The following DMRTB1 variants were observed in gnomAD, a reference collection of about 807,000 sequenced individuals.
The protein encoded by DMRTB1 is DMRT like family B with proline rich C-terminal 1.
Under a neutral mutation model 25.2 loss-of-function variants are expected in DMRTB1, and 9 were observed. The observed-to-expected ratio is 0.36, with a 90% CI of 0.22 to 0.62. The LOEUF (loss-of-function observed/expected upper bound fraction) is 0.62, where lower values mean the gene tolerates loss of function less well. Ranked by LOEUF, DMRTB1 falls within the 20% of genes least tolerant of loss-of-function variation. The probability of loss-of-function intolerance (pLI) is 0.71; values close to 1 mark genes in which losing one functional copy is unlikely to be tolerated. For synonymous variants in DMRTB1, 269 were observed against 238.1 expected, an observed-to-expected ratio of 1.13 and a Z score of -1.20; for missense variants, 551 against 499.3, an observed-to-expected ratio of 1.10 and a Z score of -0.99.
chr1:53,467,075 G>T lies in DMRTB1; in HGVS notation c.*413G>T, dbSNP rs1644054767. On this transcript the variant is annotated 3_prime_UTR_variant, in exon 4 of 4. Coordinates refer to ENST00000371445, the MANE Select transcript of DMRTB1 (RefSeq NM_033067.3). ...CTTTGCCTGGTCCTCCAGGTTGCTG[G>T]GGGCACCACAGACATCAAGATTCCA... 1 of 169,192 alleles carries T rather than the reference G, an allele frequency of 5.9e-6. No homozygotes were observed. Among genetic ancestry groups the T allele is most frequent in the Non-Finnish European group, 1.3e-5 (1 of 78,280 alleles). 10.5% of individuals were successfully genotyped at this position (169,192 alleles called of 1,614,324 possible).
In DMRTB1 at chr1:53,464,705, C is replaced by A. The variant is rs770976644; in HGVS notation, c.819C>A (p.Pro273=). The change falls in exon 3 of 4, where the codon CCC becomes CCA. Residue 273 remains proline (P), a synonymous_variant. Transcript: ENST00000371445. Reference sequence around the variant, plus strand: ...CGCCGCCGCCGCCGCCACTGCCGCCCCTTCCACCGCTTCCACCGCAGCCCC... The same window carrying A: ...CGCCGCCGCCGCCGCCACTGCCGCCACTTCCACCGCTTCCACCGCAGCCCC... ...YLPPPPPPLP[P]LPPLPPQPQF... is the part of the protein sequence containing the mutation. 1 of 1,613,626 alleles carries A rather than the reference C, an allele frequency of 6.2e-7. No homozygotes were observed. The highest frequency in any genetic ancestry group is 1.1e-5 in the South Asian group (1 of 91,060).
At chr1:53,460,952 G>C (rs955193123) in intron 1 of DMRTB1, among the ~76,000 whole-genome samples, 1 of 152,226 alleles carries the variant, frequency 6.6e-6, no homozygotes, top group Non-Finnish European at 1.5e-5. Context: ...TCACAGGCCT[G>C]AAACTGCAGA....
rs770976644 is a variant in DMRTB1 at position 53,464,705 on chromosome 1, C to G, written c.819C>G (p.Pro273=). The part of the protein sequence containing the change: ...YLPPPPPPLP[P]LPPLPPQPQF... ...CGCCGCCGCCGCCGCCACTGCCGCCCCTTCCACCGCTTCCACCGCAGCCCC... is the reference window on the plus strand; with the variant it reads ...CGCCGCCGCCGCCGCCACTGCCGCCGCTTCCACCGCTTCCACCGCAGCCCC... The change falls in exon 3 of 4, where the codon CCC becomes CCG. Residue 273 remains proline (P), a synonymous_variant. Transcript: ENST00000371445. 6.2e-7 allele frequency: 1 copy of G among 1,613,626 alleles called. No individual in the cohort carries two copies. The highest frequency in any genetic ancestry group is 1.7e-5 in the Admixed American group (1 of 59,994).
rs201518564 is a variant in DMRTB1 at position 53,459,662 on chromosome 1, G to A, written c.209G>A (p.Cys70Tyr). Residue 70 changes from cysteine to tyrosine, a missense_variant, in exon 1 of 4, where the codon TGT (cysteine) becomes TAT (tyrosine). Transcript: ENST00000371445. ...AAEEEQEAALCAQGPKQASGA... is the reference protein window; with the variant it reads ...AAEEEQEAALYAQGPKQASGA... ...GAGGAGGAGCAGGAGGCGGCCCTGT[G>A]TGCGCAGGGGCCCAAGCAGGCCTCC... 226 of 1,548,578 alleles carry A rather than the reference G, an allele frequency of 1.5e-4. 2 individuals are homozygous for A. The African/African-American group carries it at 2.5e-3, about 17-fold the overall frequency.
rs557296258 is a variant in DMRTB1, at chr1:53,461,399, C to A, written c.578-74C>A. ...GCTTGGACGGCAGCGCTGATGACCC[C>A]GCCGCCCTGGGCCGCCCTGCGGATG... On this transcript the variant is annotated intron_variant, in intron 1 of 3. Coordinates refer to ENST00000371445, the MANE Select transcript of DMRTB1 (RefSeq NM_033067.3). The A allele has an allele frequency of 3.4e-6, 5 of 1,459,652 alleles. No individual in the cohort carries two copies. The African/African-American group carries it at 5.7e-5, about 17-fold the overall frequency. The allele number at this position is 1,459,652 out of a possible 1,614,324, so 90.4% of individuals were successfully genotyped here.
chr1:53,460,012 C>G lies in DMRTB1; in HGVS notation c.559C>G (p.Pro187Ala). Reference sequence around the variant, plus strand: ...CAGGCCGATGCGGACCGTGCCCGGCCCACTGTTCACCGACTTTGGTAAGTC... The same window carrying G: ...CAGGCCGATGCGGACCGTGCCCGGCGCACTGTTCACCGACTTTGGTAAGTC... ...LRRPMRTVPG[P>A]LFTDFVRPLN... Residue 187 changes from proline to alanine, a missense_variant, in exon 1 of 4, where the codon CCA becomes GCA. Pro to Ala is a conservative substitution (Grantham distance 27, BLOSUM62 -1). Coordinates refer to ENST00000371445, the MANE Select transcript of DMRTB1 (RefSeq NM_033067.3). The G allele has an allele frequency of 6.3e-7, 1 of 1,581,262 alleles. No individual in the cohort carries two copies. The highest frequency in any genetic ancestry group is 8.5e-7 in the Non-Finnish European group (1 of 1,172,628).
chr1:53,464,130 CA>C lies in DMRTB1; in HGVS notation c.751-506del, dbSNP rs143274981. ...AGTTTAAGTCACCACATGTGCCAGACAGGGGGTCCTGTGGGGTTGGGATGCG... is the reference window on the plus strand; with the variant it reads ...AGTTTAAGTCACCACATGTGCCAGACGGGGGTCCTGTGGGGTTGGGATGCG... On this transcript the variant is annotated intron_variant, in intron 2 of 3. Coordinates refer to ENST00000371445, the MANE Select transcript of DMRTB1 (RefSeq NM_033067.3). 5.7e-3 allele frequency among the ~76,000 whole-genome samples: 863 copies of C among 152,326 alleles called. 6 individuals are homozygous for C. Among genetic ancestry groups the C allele is most frequent in the African/African-American group, 0.02 (827 of 41,576 alleles).
intron 1 of DMRTB1, 98 bp downstream of exon 1, chr1:53,460,128 T>G (rs1569646194): frequency 7.2e-7 from 1 of 1,394,468 alleles, no homozygotes; most frequent in Non-Finnish European, 9.3e-7. Context: ...TGGAGAGAAG[T>G]TTTTCCACGG....
intron 3 of DMRTB1, among the ~76,000 whole-genome samples, chr1:53,465,876 A>G (rs1054261640): frequency 1.3e-5 from 2 of 152,210 alleles, no homozygotes; most frequent in African/African-American, 4.8e-5. Flanking sequence ...AATGGTCCCT[A>G]CCTCATGAGG....
At chr1:53,461,052 G>A (rs542609748) in intron 1 of DMRTB1, among the ~76,000 whole-genome samples, 1 of 152,284 alleles carries the variant, frequency 6.6e-6, no homozygotes, top group Admixed American at 6.5e-5. Flanking sequence ...TGGAGGACGC[G>A]GGTCACATTT....
intron 1 of DMRTB1, among the ~76,000 whole-genome samples, chr1:53,461,113 G>A (rs191272605): frequency 4.6e-5 from 7 of 152,352 alleles, no homozygotes; most frequent in Non-Finnish European, 1.0e-4. Context: ...TGATCAAAGA[G>A]TCACACAAAT....
rs1442303170 is a variant in DMRTB1 at position 53,467,485 on chromosome 1, G to C, written c.*823G>C. The C allele has an allele frequency of 6.6e-6, 1 of 152,268 alleles. No individual in the cohort carries two copies. Among genetic ancestry groups the C allele is most frequent in the Non-Finnish European group, 1.5e-5 (1 of 68,050 alleles). 9.4% of individuals were successfully genotyped at this position (152,268 alleles called of 1,614,324 possible). A position where few individuals can be genotyped will look rare whatever the true frequency, so the allele number is the denominator to read the frequency against. ...GGCTATTGAAATAAAATGAGCAATG[G>C]AAATCCTTGTGGAAGGCTTATTCTC... On this transcript the variant is annotated 3_prime_UTR_variant, in exon 4 of 4. Coordinates refer to ENST00000371445, the MANE Select transcript of DMRTB1 (RefSeq NM_033067.3).
chr1:53,462,460 G>A (rs550675254), intron 2 of DMRTB1, among the ~76,000 whole-genome samples: 26 of 152,322 alleles, frequency 1.7e-4, no homozygotes, highest in African/African-American at 6.3e-4. Context: ...CCTCACTCCT[G>A]CTTCAGCCTG....
Position 53,464,665 on chromosome 1 carries a change from C to T in DMRTB1, c.779C>T (p.Pro260Leu). 6.2e-7 allele frequency: 1 copy of T among 1,613,780 alleles called. No individual in the cohort carries two copies. Among genetic ancestry groups the T allele is most frequent in the Non-Finnish European group, 8.5e-7 (1 of 1,180,028 alleles). ...LVSEPGGDFQ[P>L]SYYLPPPPPP... is the part of the protein sequence containing the mutation. ...TCAGAACCAGGAGGAGACTTCCAGC[C>T]AAGCTACTACCTGCCGCCGCCGCCG... Residue 260 changes from proline (P) to leucine (L), a missense_variant, in exon 3 of 4, where the codon CCA (proline) becomes CTA (leucine). Transcript: ENST00000371445.
At chr1:53,461,344 G>C (rs1644020953) in intron 1 of DMRTB1, 129 bp from the exon 2 acceptor site, 39 of 968,748 alleles carry the variant, frequency 4.0e-5, no homozygotes, top group Non-Finnish European at 5.4e-5. Flanking sequence ...TGAGGGCCCA[G>C]CGGAAGGAAG....
chr1:53,461,663 C>T lies in DMRTB1; in HGVS notation c.750+18C>T, dbSNP rs760356735. 6.5e-7 allele frequency: 1 copy of T among 1,533,752 alleles called. No homozygotes were observed. Among genetic ancestry groups the T allele is most frequent in the South Asian group, 1.2e-5 (1 of 80,360 alleles). Reference sequence around the variant, plus strand: ...GAGGCTTGGTGAGTCCCACCCCTCACTTCTTGCCAGCTTCCTCCACCCAGT... The same window carrying T: ...GAGGCTTGGTGAGTCCCACCCCTCATTTCTTGCCAGCTTCCTCCACCCAGT... On this transcript the variant is annotated intron_variant, in intron 2 of 3. Transcript: ENST00000371445.
rs766790398 is a variant in DMRTB1 at position 53,464,735 on chromosome 1, C to T, written c.849C>T (p.Phe283=). The T allele has an allele frequency of 3.6e-5, 58 of 1,613,494 alleles. 3 individuals are homozygous for T. In the South Asian group the frequency reaches 6.3e-4, roughly 17 times the overall value. ...PLPPLPPQPQ[F]LPPGYLSALH... ...CACCGCTTCCACCGCAGCCCCAGTT[C>T]CTCCCGCCAGGCTACCTCTCTGCGC... The change falls in exon 3 of 4, where the codon TTC becomes TTT. Residue 283 remains phenylalanine (F), a synonymous_variant. Transcript: ENST00000371445.
intron 2 of DMRTB1, among the ~76,000 whole-genome samples, chr1:53,462,576 T>G (rs1405512202): frequency 6.6e-6 from 1 of 152,256 alleles, no homozygotes; most frequent in African/African-American, 2.4e-5. Context: ...CTGGCCTTGA[T>G]AATTCCAGGG....
intron 1 of DMRTB1, 23 bp downstream of exon 1, chr1:53,460,053 C>T (rs1392768613): frequency 2.0e-6 from 3 of 1,538,244 alleles, no homozygotes; most frequent in Admixed American, 1.9e-5. Flanking sequence ...CTTGGTCCCG[C>T]GGTCGACTCC....
Sources: gnomAD v4.1 joint callset for allele counts (sites outside exome capture counted in the v4.1 genomes callset) on GRCh38, gnomAD v4.1.1 for gene constraint, MANE v1.5 for transcripts, NCBI Gene and HGNC (gene_info 2026-07-23, HGNC 2026-07-21) for gene names.